Variants in NSMCE2 observed in about 807,000 individuals in gnomAD.
The protein encoded by NSMCE2 is NSE2 SUMO ligase component of SMC5/6 complex.
In NSMCE2, 24 loss-of-function variants were observed where a neutral mutation model predicts 23.8. The ratio of observed to expected loss-of-function variants is 1.01; its 90% CI spans 0.73 to 1.42. The LOEUF is 1.42. NSMCE2 is among the 40% of genes most tolerant of loss of function. The pLI is 0.00. For missense variants in NSMCE2, 284 were observed against 296.5 expected, an observed-to-expected ratio of 0.96 and a Z score of 0.31; for synonymous variants, 92 against 94.1, an observed-to-expected ratio of 0.98 and a Z score of 0.13.
chr8:125,215,988 G>C (rs1824564206), intron 5 of NSMCE2, among the ~76,000 whole-genome samples: 1 of 152,140 alleles, frequency 6.6e-6, no homozygotes, highest in Admixed American at 6.5e-5. Context: ...GGAGGTCTTG[G>C]CTGCAGTGAG....
intron 5 of NSMCE2, among the ~76,000 whole-genome samples, chr8:125,301,894 C>T (rs1439783861): frequency 6.6e-6 from 1 of 152,106 alleles, no homozygotes; most frequent in African/African-American, 2.4e-5. Flanking sequence ...GAACTCCTGA[C>T]CTCAGGTGAT....
intron 5 of NSMCE2, among the ~76,000 whole-genome samples, chr8:125,297,889 A>G (rs995334084): frequency 6.6e-6 from 1 of 152,204 alleles, no homozygotes; most frequent in African/African-American, 2.4e-5. Context: ...GAAATGTATC[A>G]GAAAATGAAT....
chr8:125,205,041 G>A (rs1824059499), intron 5 of NSMCE2, among the ~76,000 whole-genome samples: 1 of 152,130 alleles, frequency 6.6e-6, no homozygotes, highest in Non-Finnish European at 1.5e-5. Context: ...TCTAGCCCTT[G>A]GAATCCAAAC....
rs58789139 is a variant in NSMCE2 at position 125,299,804 on chromosome 8, C to CTTTTTTTTTTTTT, written c.419-57400_419-57388dup. 4.4e-4 allele frequency among the ~76,000 whole-genome samples: 31 copies of CTTTTTTTTTTTTT among 70,264 alleles called. 1 individual carries two copies. The highest frequency in any genetic ancestry group is 8.4e-4 in the African/African-American group (15 of 17,792). The allele number at this position is 70,264 out of a possible 152,430, so 46.1% of individuals were successfully genotyped here. On this transcript the variant is annotated intron_variant, in intron 5 of 7. Coordinates refer to ENST00000287437, the MANE Select transcript of NSMCE2 (RefSeq NM_173685.4). ...ACCTTGACCTCATAATTTTGGCTTT[C>CTTTTTTTTTTTTT]TTTTTTTTTTTTTTTTTTTTTTTTT...
At chr8:125,142,297 C>T (rs758771550) in intron 3 of NSMCE2, among the ~76,000 whole-genome samples, 2 of 152,140 alleles carry the variant, frequency 1.3e-5, no homozygotes, top group Non-Finnish European at 2.9e-5. Context: ...AATTGAGACT[C>T]TAGTAAAATG....
chr8:125,218,546 T>C (rs1053275956), intron 5 of NSMCE2, among the ~76,000 whole-genome samples: 6 of 151,808 alleles, frequency 4.0e-5, no homozygotes, highest in Non-Finnish European at 7.4e-5. Context: ...CGAGTAGCTG[T>C]GATTACAGGC....
chr8:125,167,966 C>A (rs1821981663), intron 4 of NSMCE2, among the ~76,000 whole-genome samples: 2 of 152,176 alleles, frequency 1.3e-5, no homozygotes, highest in Middle Eastern at 3.4e-3. Context: ...AATGTTGGAA[C>A]CAAGCTGAAA....
chr8:125,323,093 T>C (rs1829519361), intron 5 of NSMCE2, among the ~76,000 whole-genome samples: 1 of 152,234 alleles, frequency 6.6e-6, no homozygotes, highest in South Asian at 2.1e-4. Context: ...TACCTATCGA[T>C]GTATCTGACT....
intron 5 of NSMCE2, among the ~76,000 whole-genome samples, chr8:125,332,516 G>A (rs1829917736): frequency 6.6e-6 from 1 of 152,238 alleles, no homozygotes; most frequent in African/African-American, 2.4e-5. Context: ...TAGCGTAGAA[G>A]CTGGTGCATA....
intron 5 of NSMCE2, among the ~76,000 whole-genome samples, chr8:125,308,540 G>A (rs1392115274): frequency 2.0e-5 from 3 of 152,130 alleles, no homozygotes; most frequent in Non-Finnish European, 4.4e-5. Context: ...TATTTTTGCT[G>A]CTGATAGATT....
chr8:125,274,541 G>T (rs1827361989), intron 5 of NSMCE2, among the ~76,000 whole-genome samples: 1 of 152,114 alleles, frequency 6.6e-6, no homozygotes, highest in South Asian at 2.1e-4. Flanking sequence ...AACATTTCCA[G>T]TTCTATGCAT....
chr8:125,352,333 C>T (rs572711106), intron 5 of NSMCE2, among the ~76,000 whole-genome samples: 3 of 151,620 alleles, frequency 2.0e-5, no homozygotes, highest in East Asian at 2.0e-4. Context: ...CAAAATTAGC[C>T]GAGGTGGTGG....
intron 5 of NSMCE2, among the ~76,000 whole-genome samples, chr8:125,346,355 C>T (rs1830436020): frequency 6.6e-6 from 1 of 152,218 alleles, no homozygotes. Flanking sequence ...GGAGAATGGA[C>T]AGGCTATACG....
intron 3 of NSMCE2, among the ~76,000 whole-genome samples, chr8:125,119,893 A>G (rs1274380404): frequency 6.6e-6 from 1 of 152,086 alleles, no homozygotes; most frequent in Non-Finnish European, 1.5e-5. Context: ...GTAAAGCATT[A>G]TTTATATATG....
rs144274171 is a variant in NSMCE2 at position 125,091,919 on chromosome 8, A to G, written c.-150A>G. 7 of 152,308 alleles carry G rather than the reference A, an allele frequency of 4.6e-5. No homozygotes were observed. The highest frequency in any genetic ancestry group is 1.4e-4 in the African/African-American group (6 of 41,442). 9.4% of individuals were successfully genotyped at this position (152,308 alleles called of 1,614,324 possible). A position where few individuals can be genotyped will look rare whatever the true frequency, so the allele number is the denominator to read the frequency against. On this transcript the variant is annotated 5_prime_UTR_variant, in exon 1 of 8. Coordinates refer to ENST00000287437, the MANE Select transcript of NSMCE2 (RefSeq NM_173685.4). ...AAAGGAGGTGGGTCTAGGCAGGGGA[A>G]ATTGGGGTGCCACCAGACGGAGACA... is the stretch of plus-strand genomic sequence containing the variant.
At chr8:125,353,320 AG>A (rs1563801673) in intron 5 of NSMCE2, among the ~76,000 whole-genome samples, 4 of 152,356 alleles carry the variant, frequency 2.6e-5, no homozygotes, top group South Asian at 4.1e-4. Flanking sequence ...GGGAGGCAGC[AG>A]CATAGGAGGA....
chr8:125,341,217 A>G (rs1408436626), intron 5 of NSMCE2, among the ~76,000 whole-genome samples: 1 of 152,166 alleles, frequency 6.6e-6, no homozygotes, highest in Non-Finnish European at 1.5e-5. Flanking sequence ...TGCACTCACT[A>G]CCTACTGCAA....
chr8:125,122,507 A>G (rs1819318775), intron 3 of NSMCE2, among the ~76,000 whole-genome samples: 1 of 152,216 alleles, frequency 6.6e-6, no homozygotes, highest in African/African-American at 2.4e-5. Context: ...AGTGCCATCA[A>G]CATATGCTCT....
intron 5 of NSMCE2, among the ~76,000 whole-genome samples, chr8:125,325,471 T>G (rs1358875205): frequency 6.6e-6 from 1 of 152,112 alleles, no homozygotes; most frequent in Non-Finnish European, 1.5e-5. Flanking sequence ...CACTTCAGCC[T>G]CCTAAGAAGC....
Sources: allele counts gnomAD v4.1 joint callset (sites outside exome capture counted in the v4.1 genomes callset), GRCh38; gene constraint gnomAD v4.1.1; transcripts MANE v1.5; gene names NCBI Gene and HGNC (gene_info 2026-07-23, HGNC 2026-07-21).